Variants in KIF3C observed in about 807,000 individuals in gnomAD.
KIF3C encodes kinesin family member 3C.
Under a neutral mutation model 67.7 loss-of-function variants are expected in KIF3C, and 12 were observed. The observed-to-expected ratio is 0.18, with a 90% CI of 0.11 to 0.29. KIF3C has a LOEUF of 0.29. Among genes scored for constraint, KIF3C ranks in the 10% least tolerant of loss-of-function variants. The pLI, the probability that KIF3C is intolerant of heterozygous loss-of-function variation, is 1.00. For missense variants in KIF3C, 789 were observed against 1,059.6 expected, an observed-to-expected ratio of 0.74 and a Z score of 3.55; for synonymous variants, 393 against 426.2, an observed-to-expected ratio of 0.92 and a Z score of 0.96.
At position 25,982,189 on chromosome 2, in the gene KIF3C, C is replaced by G. The variant is rs1664619710; in HGVS notation, c.-272G>C. 2 of 442,628 alleles carry G rather than the reference C, an allele frequency of 4.5e-6. No individual in the cohort carries two copies. Among genetic ancestry groups the G allele is most frequent in the South Asian group, 6.3e-5 (1 of 15,850 alleles). 27.4% of individuals were successfully genotyped at this position (442,628 alleles called of 1,614,324 possible). A position where few individuals can be genotyped will look rare whatever the true frequency, so the allele number is the denominator to read the frequency against. On this transcript the variant is annotated 5_prime_UTR_variant, in exon 1 of 8. Coordinates refer to ENST00000264712, the MANE Select transcript of KIF3C (RefSeq NM_002254.8). ...GCGGGAGCAGCGCCTGCCGAGCAGC[C>G]GTGCCCGGAGCCCGCCCCATGCAGG...
At chr2:25,936,840 CAAA>C (rs1663144010) in intron 5 of KIF3C, among the ~76,000 whole-genome samples, 1 of 151,934 alleles carries the variant, frequency 6.6e-6, no homozygotes, top group Non-Finnish European at 1.5e-5. Flanking sequence ...CTACCCTGAA[CAAA>C]AACAAACAGA....
rs182357904 is a variant in KIF3C at position 25,952,172 on chromosome 2, T to C, written c.1890-267A>G. ...AAAATTAGCTGGGCGTGGTGGTGGG[T>C]GCCTGTAGTCCCAAGCTACTCAGGA... On this transcript the variant is annotated intron_variant, in intron 4 of 7. Transcript: ENST00000264712. Among the ~76,000 whole-genome samples the C allele has an allele frequency of 2.8e-3, 433 of 152,128 alleles. 2 individuals are homozygous for C. Among genetic ancestry groups the C allele is most frequent in the Non-Finnish European group, 5.7e-4 (39 of 68,008 alleles).
chr2:25,981,693 G>C lies in KIF3C; in HGVS notation c.225C>G (p.Asp75Glu). The C allele has an allele frequency of 6.2e-7, 1 of 1,613,958 alleles. No homozygotes were observed. The highest frequency in any genetic ancestry group is 8.5e-7 in the Non-Finnish European group (1 of 1,179,948). ...DASSKQADLYDETVRPLIDSV... is the reference protein window; with the variant it reads ...DASSKQADLYEETVRPLIDSV... ...AGTCTATCAGGGGCCTCACGGTTTC[G>C]TCATACAGGTCGGCCTGCTTGGAGC... is the stretch of plus-strand genomic sequence containing the variant. The change falls in exon 1 of 8, where the codon GAC (aspartate) becomes GAG (glutamate). Residue 75 changes from aspartate to glutamate, a missense_variant. By Grantham distance (45) the Asp-to-Glu change is conservative. Transcript: ENST00000264712. The surrounding 1 kb of genome is among the most constrained non-coding windows in gnomAD (Gnocchi z 8.2).
intron 1 of KIF3C, among the ~76,000 whole-genome samples, chr2:25,963,833 C>T (rs1260881118): frequency 1.3e-5 from 2 of 151,740 alleles, no homozygotes; most frequent in East Asian, 1.9e-4. Context: ...GCTGGGATTA[C>T]AGATGTGTAC....
intron 1 of KIF3C, among the ~76,000 whole-genome samples, chr2:25,961,781 A>G (rs1663949641): frequency 6.6e-6 from 1 of 152,148 alleles, no homozygotes; most frequent in Non-Finnish European, 1.5e-5. Flanking sequence ...AGCAGAGAGA[A>G]GATCAAGAGA....
intron 1 of KIF3C, among the ~76,000 whole-genome samples, chr2:25,962,442 C>T (rs1362084526): frequency 2.0e-5 from 3 of 151,734 alleles, no homozygotes; most frequent in Non-Finnish European, 4.4e-5. Flanking sequence ...TGCAATGGCA[C>T]GATCTCGGCT....
chr2:25,981,469 T>C lies in KIF3C; in HGVS notation c.449A>G (p.Gln150Arg), dbSNP rs1343279275. Residue 150 changes from glutamine to arginine, a missense_variant, in exon 1 of 8, where the codon CAG becomes CGG. By Grantham distance (43) the Gln-to-Arg change is conservative (BLOSUM62 1). Transcript: ENST00000264712. This position sits in a 1 kb window ranked among gnomAD's most constrained non-coding sequence, Gnocchi z 8.2. Reference protein sequence around the residue: ...LVRASYLEIYQEEIRDLLSKE... With the variant: ...LVRASYLEIYREEIRDLLSKE... ...GGAGAGCAGGTCTCGAATCTCTTCC[T>C]GGTAGATCTCCAAATAGGAGGCCCG... 1.2e-6 allele frequency: 2 copies of C among 1,614,188 alleles called. No individual in the cohort carries two copies. Among genetic ancestry groups the C allele is most frequent in the Non-Finnish European group, 8.5e-7 (1 of 1,180,028 alleles).
chr2:25,952,780 A>T (rs1663657031), intron 4 of KIF3C, among the ~76,000 whole-genome samples: 1 of 150,390 alleles, frequency 6.6e-6, no homozygotes, highest in Non-Finnish European at 1.5e-5. Context: ...CTGGTCTCAA[A>T]CTCCCGACCT....
At chr2:25,959,038 TAC>T (rs1663880512) in intron 1 of KIF3C, among the ~76,000 whole-genome samples, 3 of 151,950 alleles carry the variant, frequency 2.0e-5, no homozygotes, top group Non-Finnish European at 4.4e-5. Flanking sequence ...CACGCCATTG[TAC>T]TCCAGCCTGG....
At chr2:25,950,701 G>C (rs1043562025) in intron 5 of KIF3C, among the ~76,000 whole-genome samples, 2 of 152,104 alleles carry the variant, frequency 1.3e-5, no homozygotes, top group African/African-American at 2.4e-5. Flanking sequence ...TCCAGCCAGG[G>C]TGGAAAACCT....
chr2:25,952,600 C>T (rs909661120), intron 4 of KIF3C, among the ~76,000 whole-genome samples: 2 of 148,146 alleles, frequency 1.4e-5, no homozygotes, highest in African/African-American at 2.5e-5. Context: ...ACTTGTTGCT[C>T]AGGCTGGAGT....
chr2:25,947,537 C>T (rs1002746071), intron 5 of KIF3C, among the ~76,000 whole-genome samples: 13 of 149,962 alleles, frequency 8.7e-5, no homozygotes, highest in East Asian at 4.0e-4. Flanking sequence ...GCTGAGATAG[C>T]GCCACTGCAC....
At chr2:25,953,725 C>T (rs1162177605) in intron 4 of KIF3C, among the ~76,000 whole-genome samples, 1 of 145,720 alleles carries the variant, frequency 6.9e-6, no homozygotes, top group Admixed American at 7.1e-5. Context: ...GGCTGGATTG[C>T]AGTGGCATGA....
At chr2:25,957,574 AG>A (rs570726482) in intron 1 of KIF3C, among the ~76,000 whole-genome samples, 11 of 152,104 alleles carry the variant, frequency 7.2e-5, no homozygotes, top group Non-Finnish European at 1.3e-4. Context: ...CAGTGGAAAA[AG>A]CTGGCTGCTT....
intron 5 of KIF3C, among the ~76,000 whole-genome samples, chr2:25,946,845 T>G (rs1663453517): frequency 6.8e-6 from 1 of 146,470 alleles, no homozygotes; most frequent in Non-Finnish European, 1.5e-5. Context: ...AGAGCGAGAC[T>G]CCATCTCAAA....
rs1305714077 is a variant in KIF3C, at chr2:25,980,607, GTCA to G, written c.1308_1310del (p.Asp437del). 6.2e-6 allele frequency: 10 copies of G among 1,613,936 alleles called. No individual in the cohort carries two copies. Among genetic ancestry groups the G allele is most frequent in the Non-Finnish European group, 8.5e-6 (10 of 1,180,000 alleles). ...GGGGCGGGCGGTGGTTGTTGTTGTT[GTCA>G]TCCTCCTCTTCTGCCACCCAGGCCT... On this transcript the variant is annotated inframe_deletion, in exon 1 of 8. Transcript: ENST00000264712. This position sits in a 1 kb window ranked among gnomAD's most constrained non-coding sequence, Gnocchi z 7.6.
At chr2:25,932,591 G>C (rs2090470485) in intron 5 of KIF3C, among the ~76,000 whole-genome samples, 1 of 150,920 alleles carries the variant, frequency 6.6e-6, no homozygotes, top group South Asian at 2.1e-4. Flanking sequence ...CCAGCGCTTT[G>C]GGAGGCCGAG....
At chr2:25,973,363 G>A (rs1047235163) in intron 1 of KIF3C, among the ~76,000 whole-genome samples, 7 of 151,992 alleles carry the variant, frequency 4.6e-5, no homozygotes, top group Non-Finnish European at 7.4e-5. Context: ...AGACCAGCCC[G>A]GACAACATGG....
At chr2:25,930,403 C>T (rs1426992298) in intron 5 of KIF3C, among the ~76,000 whole-genome samples, 3 of 152,106 alleles carry the variant, frequency 2.0e-5, no homozygotes, top group Non-Finnish European at 4.4e-5. Context: ...CTGTCACCCA[C>T]GCTGCAGTGC....
Sources: allele counts gnomAD v4.1 joint callset (sites outside exome capture counted in the v4.1 genomes callset), GRCh38; gene constraint gnomAD v4.1.1; non-coding constraint Gnocchi (gnomAD v3.1); transcripts MANE v1.5; gene names NCBI Gene and HGNC (gene_info 2026-07-23, HGNC 2026-07-21).